RASA2: variants seen among roughly 807,000 people sequenced by gnomAD.
The protein encoded by RASA2 is RAS p21 protein activator 2.
RASA2 carries 155 observed loss-of-function variants against 118.2 expected under a neutral mutation model. The observed-to-expected ratio is 1.31, with a 90% CI of 1.15 to 1.50. The LOEUF (loss-of-function observed/expected upper bound fraction) is 1.50, where lower values mean the gene tolerates loss of function less well. Ranked by LOEUF, RASA2 falls within the 40% of genes most tolerant of loss-of-function variation. RASA2 has a pLI of 0.00. For synonymous variants in RASA2, 353 were observed against 349.1 expected (o/e 1.01, Z -0.12); for missense variants, 1,016 against 1,009.6 (o/e 1.01, Z -0.09).
chr3:141,566,464 C>A (rs557281621), intron 9 of RASA2, among the ~76,000 whole-genome samples: 1 of 152,092 alleles, frequency 6.6e-6, no homozygotes, highest in South Asian at 2.1e-4. Context: ...CTCTATAGGA[C>A]CAACAGTGAG....
chr3:141,492,332 A>G (rs1010600128), intron 1 of RASA2, among the ~76,000 whole-genome samples: 6 of 152,206 alleles, frequency 3.9e-5, no homozygotes, highest in Non-Finnish European at 7.4e-5. Flanking sequence ...ATAAAGTTCT[A>G]TTCTCTTTTG....
intron 9 of RASA2, among the ~76,000 whole-genome samples, chr3:141,567,807 T>C (rs1450541597): frequency 6.6e-6 from 1 of 152,194 alleles, no homozygotes; most frequent in Non-Finnish European, 1.5e-5. Context: ...GTACAAATGT[T>C]GAACAATTGT....
At position 141,516,327 on chromosome 3, in the gene RASA2, G is replaced by A; in HGVS notation, c.252-1G>A. ...GTAATGAGCTTTCCTTTTCTTTCTA[G>A]CCCATTTTTCAGTGAAGAATTTTAC... On this transcript the variant is annotated splice_acceptor_variant, in intron 2 of 23. Transcript: ENST00000286364. LOFTEE classifies it high-confidence loss of function. The A allele has an allele frequency of 1.9e-6, 3 of 1,543,802 alleles. No individual in the cohort carries two copies. The highest frequency in any genetic ancestry group is 2.6e-6 in the Non-Finnish European group (3 of 1,148,214).
At chr3:141,534,972 C>T (rs776332112) in intron 4 of RASA2, among the ~76,000 whole-genome samples, 2 of 152,002 alleles carry the variant, frequency 1.3e-5, no homozygotes, top group African/African-American at 2.4e-5. Flanking sequence ...TCAGAAACTC[C>T]GAAGTTGGGA....
At chr3:141,551,618 G>A (rs2082576635) in intron 5 of RASA2, among the ~76,000 whole-genome samples, 1 of 152,112 alleles carries the variant, frequency 6.6e-6, no homozygotes, top group Non-Finnish European at 1.5e-5. Context: ...AAACCATTTA[G>A]CTGTAAGCTG....
At position 141,612,604 on chromosome 3, in the gene RASA2, A is replaced by G. The variant is rs76125891; in HGVS notation, c.*291A>G. 862 of 290,524 alleles carry G rather than the reference A, an allele frequency of 3.0e-3. 9 individuals carry two copies. The highest frequency in any genetic ancestry group is 0.018 in the African/African-American group (796 of 44,538). 18.0% of individuals were successfully genotyped at this position (290,524 alleles called of 1,614,324 possible). ...ATCTTCCTAGAAAAGCTTTGTAACA[A>G]AGGGAGAACTCCTCCGTAGCAAGAA... is the stretch of plus-strand genomic sequence containing the variant. On this transcript the variant is annotated 3_prime_UTR_variant, in exon 24 of 24. Transcript: ENST00000286364.
intron 4 of RASA2, among the ~76,000 whole-genome samples, chr3:141,537,119 A>G (rs1303102489): frequency 6.6e-6 from 1 of 151,936 alleles, no homozygotes; most frequent in Non-Finnish European, 1.5e-5. Flanking sequence ...GAGTTCTTGA[A>G]TCTGTGGCTT....
intron 1 of RASA2, among the ~76,000 whole-genome samples, chr3:141,490,959 G>A (rs923064559): frequency 3.9e-5 from 6 of 152,102 alleles, no homozygotes; most frequent in African/African-American, 1.2e-4. Flanking sequence ...GTCATACACC[G>A]ACCATCTCTT....
At chr3:141,505,577 TG>T (rs1485640143) in intron 1 of RASA2, among the ~76,000 whole-genome samples, 1 of 152,122 alleles carries the variant, frequency 6.6e-6, no homozygotes, top group Non-Finnish European at 1.5e-5. Context: ...GCATAATTTG[TG>T]GGGGTAAAGA....
intron 16 of RASA2, 101 bp from the exon 17 acceptor site, chr3:141,580,999 T>C (rs1327139363): frequency 8.2e-7 from 1 of 1,217,158 alleles, no homozygotes; most frequent in Non-Finnish European, 1.1e-6. Flanking sequence ...AAATATATAA[T>C]TGAGTCCTTT....
Position 141,603,368 on chromosome 3 carries a change from C to T in RASA2, c.1934-4310C>T, listed in dbSNP as rs142120726. Reference sequence around the variant, plus strand: ...GGTGGATCACCTGAGGTCAGGAGTTCGAGACCAGCCTGGCCAACATGGTGA... The same window carrying T: ...GGTGGATCACCTGAGGTCAGGAGTTTGAGACCAGCCTGGCCAACATGGTGA... On this transcript the variant is annotated intron_variant, in intron 19 of 23. Transcript: ENST00000286364. Among the ~76,000 whole-genome samples the T allele has an allele frequency of 2.1e-3, 313 of 152,000 alleles. 1 individual carries two copies. The highest frequency in any genetic ancestry group is 7.2e-3 in the African/African-American group (299 of 41,452).
intron 11 of RASA2, 145 bp downstream of exon 11, chr3:141,571,699 A>C (rs752663057): frequency 1.1e-5 from 8 of 733,072 alleles, no homozygotes; most frequent in African/African-American, 1.9e-5. Flanking sequence ...ACAAATAACA[A>C]AAGGCAGTTA....
At position 141,511,407 on chromosome 3, in the gene RASA2, T is replaced by C. The variant is rs367930460; in HGVS notation, c.134-756T>C. ...AGAAGGTGGTTTGGAATTGAGGCAT[T>C]GCATGTTTAGAGGTAGCCAGGGGGA... On this transcript the variant is annotated intron_variant, in intron 1 of 23. Coordinates refer to ENST00000286364, the MANE Select transcript of RASA2 (RefSeq NM_006506.5). Among the ~76,000 whole-genome samples the C allele has an allele frequency of 8.2e-4, 125 of 152,166 alleles. 3 individuals are homozygous for C. Among genetic ancestry groups the C allele is most frequent in the African/African-American group, 2.9e-3 (119 of 41,516 alleles).
intron 1 of RASA2, among the ~76,000 whole-genome samples, 179 bp downstream of exon 1, chr3:141,487,395 C>T (rs1485226806): frequency 1.4e-5 from 2 of 146,484 alleles, no homozygotes; most frequent in South Asian, 2.2e-4. Context: ...GTCGCCTCGA[C>T]GGGGCGGCGT....
intron 5 of RASA2, among the ~76,000 whole-genome samples, chr3:141,546,063 C>G (rs1315300015): frequency 6.6e-6 from 1 of 152,148 alleles, no homozygotes; most frequent in African/African-American, 2.4e-5. Context: ...GAAAAGTACT[C>G]CATTATGTAT....
chr3:141,558,643 G>T (rs1043452632), intron 7 of RASA2, among the ~76,000 whole-genome samples: 7 of 151,896 alleles, frequency 4.6e-5, no homozygotes, highest in African/African-American at 1.5e-4. Flanking sequence ...TTTAAGGGGA[G>T]AATTTTTCTT....
rs111909082 is a variant in RASA2 at position 141,565,852 on chromosome 3, A to T, written c.864-5060A>T. Among the ~76,000 whole-genome samples, 1,421 of 152,316 alleles carry T rather than the reference A, an allele frequency of 9.3e-3. 24 individuals carry two copies. Among genetic ancestry groups the T allele is most frequent in the African/African-American group, 0.032 (1,324 of 41,560 alleles). ...ATTATTTCATTGACCATATCTTTACATCACTATTTCTTAAATCAGACAGTA... is the reference window on the plus strand; with the variant it reads ...ATTATTTCATTGACCATATCTTTACTTCACTATTTCTTAAATCAGACAGTA... On this transcript the variant is annotated intron_variant, in intron 9 of 23. Transcript: ENST00000286364.
At chr3:141,490,707 A>T (rs1170985398) in intron 1 of RASA2, among the ~76,000 whole-genome samples, 1 of 152,194 alleles carries the variant, frequency 6.6e-6, no homozygotes, top group African/African-American at 2.4e-5. Context: ...AGTAGGGAAG[A>T]TCTATAGGGT....
chr3:141,503,391 A>G (rs1318034734), intron 1 of RASA2, among the ~76,000 whole-genome samples: 2 of 152,176 alleles, frequency 1.3e-5, no homozygotes, highest in Non-Finnish European at 2.9e-5. Context: ...ATATGGTAGG[A>G]TTTGAATTTA....
Sources: allele counts gnomAD v4.1 joint callset (sites outside exome capture counted in the v4.1 genomes callset), GRCh38; gene constraint gnomAD v4.1.1; transcripts MANE v1.5; gene names NCBI Gene and HGNC (gene_info 2026-07-23, HGNC 2026-07-21).